The following GOLGA8Q variants were observed in gnomAD, a reference collection of about 807,000 sequenced individuals.
GOLGA8Q encodes the protein golgin subfamily A member 8Q.
Under a neutral mutation model 48.7 loss-of-function variants are expected in GOLGA8Q, and 3 were observed. The ratio of observed to expected loss-of-function variants is 0.06; its 90% CI spans 0.03 to 0.16. GOLGA8Q has a LOEUF of 0.16. GOLGA8Q is among the 10% of genes least tolerant of loss of function. GOLGA8Q has a pLI of 1.00. For synonymous variants in GOLGA8Q, 22 were observed against 138.2 expected (o/e 0.16, Z 5.90); for missense variants, 49 against 364.3 (o/e 0.13, Z 7.05).
At chr15:30,560,411 A>C (rs1207664095) in intron 13 of GOLGA8Q, 125 bp from the exon 14 acceptor site, 1 of 1,049,536 alleles carries the variant, frequency 9.5e-7, no homozygotes, top group Non-Finnish European at 1.3e-6. Context: ...CTTGGGGCAA[A>C]GCAGTGGCCG....
intron 13 of GOLGA8Q, among the ~76,000 whole-genome samples, chr15:30,559,698 A>T (rs1237169348): frequency 1.3e-5 from 2 of 151,348 alleles, no homozygotes; most frequent in Non-Finnish European, 3.0e-5. Flanking sequence ...CTAAAATTAA[A>T]AAAAAAAAAA....
intron 13 of GOLGA8Q, 28 bp from the exon 14 acceptor site, chr15:30,560,508 C>G: frequency 1.9e-6 from 2 of 1,079,148 alleles, no homozygotes; most frequent in Non-Finnish European, 2.5e-6. Flanking sequence ...CAAACTCCAT[C>G]CCTTCTCACT....
At chr15:30,559,766 G>A (rs1296123927) in intron 13 of GOLGA8Q, among the ~76,000 whole-genome samples, 22 of 148,396 alleles carry the variant, frequency 1.5e-4, no homozygotes, top group African/African-American at 4.5e-4. Context: ...GCTGAGGCAC[G>A]AGAATTGCTT....
At chr15:30,559,952 T>C (rs2059669867) in intron 13 of GOLGA8Q, among the ~76,000 whole-genome samples, 1 of 130,418 alleles carries the variant, frequency 7.7e-6, no homozygotes, top group East Asian at 2.1e-4. Context: ...TAAGTCTCTG[T>C]TTCTTTAACT....
chr15:30,554,119 C>T (rs1208097371), intron 2 of GOLGA8Q, among the ~76,000 whole-genome samples: 8 of 83,276 alleles, frequency 9.6e-5, no homozygotes, highest in African/African-American at 4.9e-4. Flanking sequence ...CTGGTTAACA[C>T]GGTGAAACCC....
chr15:30,556,079 C>G, intron 5 of GOLGA8Q, 67 bp downstream of exon 5: 1 of 1,253,428 alleles, frequency 8.0e-7, no homozygotes, highest in South Asian at 1.3e-5. Context: ...ATACAGGCCC[C>G]AGTCTCGTCT....
At position 30,558,251 on chromosome 15, in the gene GOLGA8Q, G is replaced by A. The variant is rs1407318568; in HGVS notation, c.791G>A (p.Cys264Tyr). 2.6e-6 allele frequency: 1 copy of A among 377,808 alleles called. No homozygotes were observed. Among genetic ancestry groups the A allele is most frequent in the Admixed American group, 4.7e-5 (1 of 21,290 alleles). 23.4% of individuals were successfully genotyped at this position (377,808 alleles called of 1,614,324 possible). A position where few individuals can be genotyped will look rare whatever the true frequency, so the allele number is the denominator to read the frequency against. The change falls in exon 11 of 19, where the codon TGC (cysteine) becomes TAC (tyrosine). Residue 264 changes from cysteine to tyrosine, a missense_variant. Physicochemically the swap from Cys to Tyr is radical, Grantham distance 194. Coordinates refer to ENST00000562783, the MANE Select transcript of GOLGA8Q (RefSeq NM_001355476.2). Reference protein sequence around the residue: ...QRMSKMLQEICTLKKEKQQDM... With the variant: ...QRMSKMLQEIYTLKKEKQQDM... ...TTCCCCTTGTGCTTTGGGCAGATTTGCACATTAAAGAAAGAGAAGCAGCAA... is the reference window on the plus strand; with the variant it reads ...TTCCCCTTGTGCTTTGGGCAGATTTACACATTAAAGAAAGAGAAGCAGCAA...
In GOLGA8Q at chr15:30,556,076, C is replaced by T. The variant is rs1207823608; in HGVS notation, c.348+64C>T. 11 of 1,246,522 alleles carry T rather than the reference C, an allele frequency of 8.8e-6. 3 individuals are homozygous for T. Among genetic ancestry groups the T allele is most frequent in the Non-Finnish European group, 1.2e-5 (11 of 929,482 alleles). The allele number at this position is 1,246,522 out of a possible 1,614,324, so 77.2% of individuals were successfully genotyped here. On this transcript the variant is annotated intron_variant, in intron 5 of 18. Transcript: ENST00000562783. ...TTTGGGGGGCACTCAGACATACAGGCCCCAGTCTCGTCTCACCCACTCCCA... is the reference window on the plus strand; with the variant it reads ...TTTGGGGGGCACTCAGACATACAGGTCCCAGTCTCGTCTCACCCACTCCCA...
In GOLGA8Q at chr15:30,562,485, CAAG is replaced by C. The variant is rs1227802777; in HGVS notation, c.1890_1892del (p.Arg631del). On this transcript the variant is annotated inframe_deletion, in exon 19 of 19. Coordinates refer to ENST00000562783, the MANE Select transcript of GOLGA8Q (RefSeq NM_001355476.2). Reference sequence around the variant, plus strand: ...CCATTATTTTGTTGGGCTTGGCTGCCAAGAAGAAGGAGATAAACATCACCATCA... The same window carrying C: ...CCATTATTTTGTTGGGCTTGGCTGCCAAGAAGGAGATAAACATCACCATCA... The C allele has an allele frequency of 6.8e-5, 25 of 366,388 alleles. 2 individuals are homozygous for C. The East Asian group carries it at 7.1e-4, about 10-fold the overall frequency. 22.7% of individuals were successfully genotyped at this position (366,388 alleles called of 1,614,324 possible).
Position 30,560,884 on chromosome 15 carries a change from C to T in GOLGA8Q, c.1277-159C>T, listed in dbSNP as rs1292170131. On this transcript the variant is annotated intron_variant, in intron 14 of 18. Coordinates refer to ENST00000562783, the MANE Select transcript of GOLGA8Q (RefSeq NM_001355476.2). ...GTGGGAGTGTGCCTGGGCGGAATAG[C>T]AAGATCTTGATTCTTAAAAGTAAAA... 2.4e-5 allele frequency: 8 copies of T among 331,466 alleles called. 2 individuals are homozygous for T. In the East Asian group the frequency reaches 2.7e-4, roughly 11 times the overall value. The allele number at this position is 331,466 out of a possible 1,614,324, so 20.5% of individuals were successfully genotyped here.
At chr15:30,554,568 A>T (rs1163906146) in intron 2 of GOLGA8Q, among the ~76,000 whole-genome samples, 1 of 21,702 alleles carries the variant, frequency 4.6e-5, no homozygotes, top group Non-Finnish European at 8.4e-5. Context: ...TCTCAAGGGG[A>T]AACCAGGACA....
At chr15:30,560,718 T>G in intron 14 of GOLGA8Q, 107 bp downstream of exon 14, 1 of 629,298 alleles carries the variant, frequency 1.6e-6, no homozygotes, top group Non-Finnish European at 2.4e-6. Context: ...CAGCTGGTCA[T>G]TATGCCGACC....
chr15:30,555,561 G>T (rs1243511687), intron 4 of GOLGA8Q, among the ~76,000 whole-genome samples: 1 of 110,408 alleles, frequency 9.1e-6, no homozygotes, highest in Non-Finnish European at 2.0e-5. Context: ...CCCCTAGAAC[G>T]GAAACCTCAG....
At position 30,560,806 on chromosome 15, in the gene GOLGA8Q, G is replaced by T; in HGVS notation, c.1276+195G>T. ...GTCACCAAGTTGCCTAAGGGTGGCT[G>T]AACTGGCCAAGGTCAGAAAGGGAGC... On this transcript the variant is annotated intron_variant, in intron 14 of 18. Coordinates refer to ENST00000562783, the MANE Select transcript of GOLGA8Q (RefSeq NM_001355476.2). 5.7e-6 allele frequency: 3 copies of T among 522,598 alleles called. 1 individual carries two copies. Among genetic ancestry groups the T allele is most frequent in the Non-Finnish European group, 9.3e-6 (3 of 321,204 alleles). The allele number at this position is 522,598 out of a possible 1,614,324, so 32.4% of individuals were successfully genotyped here. A position where few individuals can be genotyped will look rare whatever the true frequency, so the allele number is the denominator to read the frequency against.
Position 30,558,945 on chromosome 15 carries a change from CACAGA to C in GOLGA8Q, c.1110_1114del (p.Gln371ArgfsTer8). The C allele has an allele frequency of 3.8e-6, 1 of 266,160 alleles. No individual in the cohort carries two copies. Among genetic ancestry groups the C allele is most frequent in the Non-Finnish European group, 6.8e-6 (1 of 147,580 alleles). The allele number at this position is 266,160 out of a possible 1,614,324, so 16.5% of individuals were successfully genotyped here. On this transcript the variant is annotated frameshift_variant, in exon 12 of 19. Transcript: ENST00000562783. LOFTEE classifies it high-confidence loss of function. Reference sequence around the variant, plus strand: ...GAGAAGCTTCGGCAGCTGGCCAAGCCACAGAGCGTCTTCGAGGAGCTGGTGCGTTG... The same window carrying C: ...GAGAAGCTTCGGCAGCTGGCCAAGCCGCGTCTTCGAGGAGCTGGTGCGTTG...
chr15:30,556,150 G>A (rs1395964459), intron 5 of GOLGA8Q, 125 bp from the exon 6 acceptor site: 17 of 660,732 alleles, frequency 2.6e-5, no homozygotes, highest in Non-Finnish European at 4.3e-5. Flanking sequence ...TCCCCACAGG[G>A]CCCCTGATAA....
chr15:30,557,126 AG>A (rs2059647896), intron 8 of GOLGA8Q, among the ~76,000 whole-genome samples: 2 of 74,636 alleles, frequency 2.7e-5, no homozygotes, highest in Non-Finnish European at 5.1e-5. Context: ...CATGTCTGCA[AG>A]GGTTCATAAA....
rs2059660905 is a variant in GOLGA8Q at position 30,558,932 on chromosome 15, C to A, written c.1096C>A (p.Gln366Lys). 3 of 268,070 alleles carry A rather than the reference C, an allele frequency of 1.1e-5. 1 individual carries two copies. Among genetic ancestry groups the A allele is most frequent in the Non-Finnish European group, 2.0e-5 (3 of 148,910 alleles). 16.6% of individuals were successfully genotyped at this position (268,070 alleles called of 1,614,324 possible). A position where few individuals can be genotyped will look rare whatever the true frequency, so the allele number is the denominator to read the frequency against. Residue 366 changes from glutamine (Q) to lysine (K), a missense_variant, in exon 12 of 19, where the codon CAG becomes AAG. By Grantham distance (53) the Gln-to-Lys change is moderately conservative. Transcript: ENST00000562783. ...TCAGGAGCAGCACGAGAAGCTTCGG[C>A]AGCTGGCCAAGCCACAGAGCGTCTT... is the stretch of plus-strand genomic sequence containing the variant. ...RLQEQHEKLR[Q>K]LAKPQSVFEE...
intron 10 of GOLGA8Q, 96 bp downstream of exon 10, chr15:30,558,147 G>C: frequency 6.2e-6 from 3 of 481,978 alleles, no homozygotes; most frequent in Non-Finnish European, 1.1e-5. Flanking sequence ...AGGTGGTCAT[G>C]GGTCTGGGCT....
Sources: allele counts gnomAD v4.1 joint callset (sites outside exome capture counted in the v4.1 genomes callset), GRCh38; gene constraint gnomAD v4.1.1; transcripts MANE v1.5; gene names NCBI Gene and HGNC (gene_info 2026-07-23, HGNC 2026-07-21).